Variants in WDFY2 observed in about 807,000 individuals in gnomAD.
WDFY2 encodes WD repeat and FYVE domain-containing protein 2.
WDFY2 carries 36 observed loss-of-function variants against 56.4 expected under a neutral mutation model. That is an observed-to-expected ratio of 0.64 (90% confidence interval 0.49 to 0.84). The LOEUF (loss-of-function observed/expected upper bound fraction) is 0.84, where lower values mean the gene tolerates loss of function less well. Among genes scored for constraint, WDFY2 ranks in the 40% least tolerant of loss-of-function variants. The pLI is 0.00. For missense variants in WDFY2, 444 were observed against 512.2 expected (o/e 0.87, Z 1.29); for synonymous variants, 176 against 183.7 (o/e 0.96, Z 0.34).
Position 51,712,303 on chromosome 13 carries a change from G to T in WDFY2, c.335-6895G>T, listed in dbSNP as rs776668117. 2.2e-4 allele frequency among the ~76,000 whole-genome samples: 33 copies of T among 152,204 alleles called. 1 individual carries two copies. The highest frequency in any genetic ancestry group is 6.2e-4 in the South Asian group (3 of 4,812). ...CACACGCTGGGGCCTATCGTGGTGT[G>T]GGGGGAGCGGGGAGGGATAACATTA... On this transcript the variant is annotated intron_variant, in intron 4 of 11. Transcript: ENST00000298125.
chr13:51,653,514 T>C (rs965293231), intron 1 of WDFY2, among the ~76,000 whole-genome samples: 11 of 152,230 alleles, frequency 7.2e-5, no homozygotes, highest in African/African-American at 2.7e-4. Context: ...TGCTCTGTTT[T>C]TTCCCCATCT....
intron 4 of WDFY2, among the ~76,000 whole-genome samples, chr13:51,716,446 A>G (rs1455820076): frequency 6.6e-6 from 1 of 152,084 alleles, no homozygotes; most frequent in East Asian, 1.9e-4. Flanking sequence ...TAATCCCAGC[A>G]CTTTGGGAGG....
At chr13:51,588,125 C>T (rs1280986872) in intron 1 of WDFY2, 3 of 152,216 alleles carry the variant, frequency 2.0e-5, no homozygotes, top group Non-Finnish European at 4.4e-5. Flanking sequence ...AGATTATATA[C>T]CCAAAGGGCA....
intron 1 of WDFY2, among the ~76,000 whole-genome samples, chr13:51,599,955 CT>C (rs1954236008): frequency 6.6e-6 from 1 of 152,004 alleles, no homozygotes; most frequent in Non-Finnish European, 1.5e-5. Flanking sequence ...GCTTGCAGTG[CT>C]TGCATGTGGC....
chr13:51,594,980 C>CT (rs560618176), intron 1 of WDFY2, among the ~76,000 whole-genome samples: 83 of 152,156 alleles, frequency 5.5e-4, no homozygotes, highest in African/African-American at 1.7e-3. Flanking sequence ...GTCTGTTGAA[C>CT]TTTTTTTTGT....
chr13:51,699,824 C>T (rs1447109603), intron 3 of WDFY2, among the ~76,000 whole-genome samples: 1 of 152,198 alleles, frequency 6.6e-6, no homozygotes, highest in Admixed American at 6.5e-5. Flanking sequence ...GCCAGCATAT[C>T]TTCTACATAG....
intron 1 of WDFY2, among the ~76,000 whole-genome samples, chr13:51,607,377 G>T (rs1332721000): frequency 6.6e-6 from 1 of 152,206 alleles, no homozygotes. Flanking sequence ...AGCCTCTTCA[G>T]ATCGTGTTTG....
intron 1 of WDFY2, among the ~76,000 whole-genome samples, chr13:51,633,323 C>T (rs935862775): frequency 6.6e-6 from 1 of 152,226 alleles, no homozygotes; most frequent in Non-Finnish European, 1.5e-5. Context: ...AGAGTTTAAA[C>T]TTGAGTCTGA....
intron 1 of WDFY2, among the ~76,000 whole-genome samples, chr13:51,652,385 G>A (rs1955408886): frequency 6.6e-6 from 1 of 152,114 alleles, no homozygotes; most frequent in Admixed American, 6.5e-5. Flanking sequence ...CTTTTAATTG[G>A]AGCATTTAGC....
chr13:51,739,146 A>AG lies in WDFY2; in HGVS notation c.698dup (p.Thr234AsnfsTer30), dbSNP rs779546203. ...TCATGTGGGACATCGGTGGGAGAAA[A>AG]GGAACAGCCATCGAGCTCCAAGGAC... On this transcript the variant is annotated frameshift_variant, in exon 7 of 12. Coordinates refer to ENST00000298125, the MANE Select transcript of WDFY2 (RefSeq NM_052950.4). LOFTEE classifies it high-confidence loss of function. The AG allele has an allele frequency of 5.0e-6, 8 of 1,594,870 alleles. No individual in the cohort carries two copies. The South Asian group carries it at 9.2e-5, about 18-fold the overall frequency.
In WDFY2 at chr13:51,653,077, C is replaced by T. The variant is rs540363604; in HGVS notation, c.138-7519C>T. ...TAGATTTGGTCTTTTCACATAGTCCCATATTTCTTGGAGGCTTTGTTTGTT... is the reference window on the plus strand; with the variant it reads ...TAGATTTGGTCTTTTCACATAGTCCTATATTTCTTGGAGGCTTTGTTTGTT... On this transcript the variant is annotated intron_variant, in intron 1 of 11. Transcript: ENST00000298125. Among the ~76,000 whole-genome samples the T allele has an allele frequency of 1.7e-3, 258 of 152,286 alleles. 2 individuals carry two copies. The highest frequency in any genetic ancestry group is 3.7e-3 in the South Asian group (18 of 4,828).
At chr13:51,744,826 G>A (rs1205364945) in intron 7 of WDFY2, among the ~76,000 whole-genome samples, 1 of 152,198 alleles carries the variant, frequency 6.6e-6, no homozygotes, top group African/African-American at 2.4e-5. Context: ...GAAGGTATCT[G>A]TTCATTCTTC....
intron 6 of WDFY2, among the ~76,000 whole-genome samples, chr13:51,736,923 A>G (rs983357268): frequency 2.6e-5 from 4 of 152,176 alleles, no homozygotes; most frequent in African/African-American, 9.7e-5. Context: ...AACCCTTCCA[A>G]TTAAGTCTTT....
In WDFY2 at chr13:51,755,402, G is replaced by C. The variant is rs1460106971; in HGVS notation, c.876G>C (p.Gln292His). ...GTGATTCCTGCCAAAAGTGTGATCA[G>C]CCTTTCTTCTGGAACTTCAAGCAAA... ...LDSDSCQKCD[Q>H]PFFWNFKQMW... The change falls in exon 9 of 12, where the codon CAG (glutamine) becomes CAC (histidine). Residue 292 changes from glutamine (Q) to histidine (H), a missense_variant. Gln to His is a conservative substitution (Grantham distance 24). Coordinates refer to ENST00000298125, the MANE Select transcript of WDFY2 (RefSeq NM_052950.4). 2 of 1,614,190 alleles carry C rather than the reference G, an allele frequency of 1.2e-6. No individual in the cohort carries two copies. Among genetic ancestry groups the C allele is most frequent in the East Asian group, 2.2e-5 (1 of 44,886 alleles).
At chr13:51,649,870 C>A (rs1275477622) in intron 1 of WDFY2, among the ~76,000 whole-genome samples, 1 of 152,050 alleles carries the variant, frequency 6.6e-6, no homozygotes, top group Non-Finnish European at 1.5e-5. Context: ...CAGCTTTGTT[C>A]TTTTGGTTTA....
intron 2 of WDFY2, among the ~76,000 whole-genome samples, chr13:51,661,323 T>A (rs995969215): frequency 6.6e-6 from 1 of 152,222 alleles, no homozygotes; most frequent in African/African-American, 2.4e-5. Flanking sequence ...ATCTTTAAAA[T>A]TAATGAAGTT....
At chr13:51,757,798 A>C (rs1953444409) in intron 10 of WDFY2, among the ~76,000 whole-genome samples, 1 of 151,558 alleles carries the variant, frequency 6.6e-6, no homozygotes, top group South Asian at 2.1e-4. Flanking sequence ...AATGACACTT[A>C]GTAATATCAT....
chr13:51,667,072 A>T (rs950739893), intron 2 of WDFY2, among the ~76,000 whole-genome samples: 10 of 152,176 alleles, frequency 6.6e-5, no homozygotes, highest in Non-Finnish European at 1.5e-4. Flanking sequence ...TAACAGATAA[A>T]CTGTTATCTT....
intron 1 of WDFY2, among the ~76,000 whole-genome samples, chr13:51,657,869 T>C (rs999093439): frequency 4.6e-5 from 7 of 152,232 alleles, no homozygotes; most frequent in Non-Finnish European, 8.8e-5. Context: ...TGATTTCCTT[T>C]GTTCTTTGTC....
Sources: allele counts gnomAD v4.1 joint callset (sites outside exome capture counted in the v4.1 genomes callset), GRCh38; gene constraint gnomAD v4.1.1; transcripts MANE v1.5; gene names NCBI Gene and HGNC (gene_info 2026-07-23, HGNC 2026-07-21).